The following MCM3AP variants were observed in gnomAD, a reference collection of about 807,000 sequenced individuals.
MCM3AP encodes the protein germinal-center associated nuclear protein.
MCM3AP carries 126 observed loss-of-function variants against 184.1 expected under a neutral mutation model. That is an observed-to-expected ratio of 0.68 (90% CI 0.59 to 0.79). The LOEUF (loss-of-function observed/expected upper bound fraction) is 0.79, where lower values mean the gene tolerates loss of function less well. Among genes scored for constraint, MCM3AP ranks in the 30% least tolerant of loss-of-function variants. The pLI is 0.00. For synonymous variants in MCM3AP, 1,002 were observed against 979.3 expected, an observed-to-expected ratio of 1.02 and a Z score of -0.43; for missense variants, 2,496 against 2,479.2, an observed-to-expected ratio of 1.01 and a Z score of -0.14.
At chr21:46,264,775 G>A (rs1369460733) in intron 12 of MCM3AP, among the ~76,000 whole-genome samples, 3 of 123,406 alleles carry the variant, frequency 2.4e-5, no homozygotes, top group African/African-American at 6.5e-5. Context: ...CCGAGGCCAC[G>A]CCTATCAGGG....
intron 19 of MCM3AP, chr21:46,252,645 C>G (rs571367579): frequency 4.6e-5 from 7 of 151,280 alleles, no homozygotes; most frequent in African/African-American, 1.7e-4. Flanking sequence ...ACAAAGTGTA[C>G]CACACGCCAG....
At chr21:46,264,798 C>CT (rs1298132087) in intron 12 of MCM3AP, among the ~76,000 whole-genome samples, 1 of 658 alleles carries the variant, frequency 1.5e-3, no homozygotes, top group African/African-American at 5.3e-3. Context: ...CACAGCCACC[C>CT]CAGCCATGCC....
chr21:46,237,460 A>G (rs1383967727), intron 26 of MCM3AP, among the ~76,000 whole-genome samples: 4 of 51,664 alleles, frequency 7.7e-5, no homozygotes, highest in Non-Finnish European at 1.6e-4. Flanking sequence ...GCCGGAGTGC[A>G]GTGTTACAAT....
rs187668629 is a variant in MCM3AP, at chr21:46,246,417, C to G, written c.4550-13G>C. ...TGTAGCATCAGACCTTTAAGACAGA[C>G]ATAGATGAAGGTCACTTGCATTCTG... On this transcript the variant is annotated splice_polypyrimidine_tract_variant and intron_variant, in intron 21 of 27. Coordinates refer to ENST00000291688, the MANE Select transcript of MCM3AP (RefSeq NM_003906.5). 94 of 1,553,290 alleles carry G rather than the reference C, an allele frequency of 6.1e-5. No individual in the cohort carries two copies. In the African/African-American group the frequency reaches 1.2e-3, roughly 20 times the overall value.
chr21:46,276,545 C>T (rs1395259248), intron 5 of MCM3AP, among the ~76,000 whole-genome samples: 1 of 151,706 alleles, frequency 6.6e-6, no homozygotes, highest in African/African-American at 2.4e-5. Context: ...GGGTTCAAGC[C>T]ATTCTCCTGC....
intron 17 of MCM3AP, 143 bp from the exon 18 acceptor site, chr21:46,254,987 T>C (rs1414531483): frequency 1.0e-5 from 7 of 689,702 alleles, no homozygotes; most frequent in Non-Finnish European, 1.8e-5. Context: ...ATTCCACAAA[T>C]ATCATGTTAA....
rs1284726949 is a variant in MCM3AP, at chr21:46,264,114, C to T, written c.3335+3G>A. 1 of 1,609,976 alleles carries T rather than the reference C, an allele frequency of 6.2e-7. No individual in the cohort carries two copies. The highest frequency in any genetic ancestry group is 8.5e-7 in the Non-Finnish European group (1 of 1,176,608). ...CAGGAGGGGAGCACGAGATGCCACT[C>T]ACCCCAGGGCGGCAGCTGCGTAGGC... On this transcript the variant is annotated splice_donor_region_variant and intron_variant, in intron 13 of 27. Transcript: ENST00000291688.
At chr21:46,236,760 CT>C in intron 27 of MCM3AP, 68 bp downstream of exon 27, 5 of 1,105,402 alleles carry the variant, frequency 4.5e-6, no homozygotes, top group Non-Finnish European at 5.1e-6. Context: ...CGTGATATTA[CT>C]TTTTTCCCCA....
Position 46,266,999 on chromosome 21 carries a change from G to A in MCM3AP, c.2772C>T (p.Gly924=). The A allele has an allele frequency of 1.2e-6, 2 of 1,614,164 alleles. No individual in the cohort carries two copies. The highest frequency in any genetic ancestry group is 1.7e-6 in the Non-Finnish European group (2 of 1,180,042). ...EEATDFLTCH[G]LTVSDGCVEL... ...GCTCTTACCCGTCGGAAACGGTGAGGCCGTGGCAGGTGAGGAAGTCGGTGG... is the reference window on the plus strand; with the variant it reads ...GCTCTTACCCGTCGGAAACGGTGAGACCGTGGCAGGTGAGGAAGTCGGTGG... Residue 924 remains glycine, a synonymous_variant, in exon 10 of 28, where the codon GGC becomes GGT. Coordinates refer to ENST00000291688, the MANE Select transcript of MCM3AP (RefSeq NM_003906.5).
chr21:46,257,115 G>C (rs772895631), intron 16 of MCM3AP, 129 bp from the exon 17 acceptor site: 2 of 1,294,358 alleles, frequency 1.5e-6, no homozygotes, highest in South Asian at 1.5e-5. Flanking sequence ...TGAAACTACC[G>C]AACGTTAACA....
chr21:46,242,017 T>C (rs2080675671), intron 25 of MCM3AP: 1 of 152,220 alleles, frequency 6.6e-6, no homozygotes, highest in African/African-American at 2.4e-5. Flanking sequence ...TGAGAATTTT[T>C]TTTTTTTTAA....
intron 15 of MCM3AP, among the ~76,000 whole-genome samples, chr21:46,260,549 A>G (rs1256685370): frequency 1.3e-5 from 2 of 152,260 alleles, no homozygotes; most frequent in African/African-American, 2.4e-5. Flanking sequence ...CCAGTGGCTA[A>G]TAAGGATGGC....
intron 16 of MCM3AP, 31 bp downstream of exon 16, chr21:46,258,908 T>G (rs1569065410): frequency 5.0e-6 from 8 of 1,613,098 alleles, no homozygotes; most frequent in African/African-American, 4.0e-5. Context: ...CCCGTGTGTG[T>G]GGATTTTGCC....
At chr21:46,259,123 T>A in intron 15 of MCM3AP, 32 bp from the exon 16 acceptor site, 1 of 1,584,416 alleles carries the variant, frequency 6.3e-7, no homozygotes, top group Non-Finnish European at 8.6e-7. Context: ...TGGAAGACAC[T>A]GCACTTGGGG....
At position 46,260,719 on chromosome 21, in the gene MCM3AP, T is replaced by C. The variant is rs1053187438; in HGVS notation, c.3581+74A>G. 9 of 1,030,854 alleles carry C rather than the reference T, an allele frequency of 8.7e-6. No homozygotes were observed. In the East Asian group the frequency reaches 2.1e-4, roughly 24 times the overall value. The allele number at this position is 1,030,854 out of a possible 1,614,324, so 63.9% of individuals were successfully genotyped here. A position where few individuals can be genotyped will look rare whatever the true frequency, so the allele number is the denominator to read the frequency against. ...TCCATTTCCAATAGCCCATCCTCAG[T>C]GGTGCAAGACACAGCCTAGGGCAGA... On this transcript the variant is annotated intron_variant, in intron 15 of 27. Coordinates refer to ENST00000291688, the MANE Select transcript of MCM3AP (RefSeq NM_003906.5).
intron 9 of MCM3AP, among the ~76,000 whole-genome samples, chr21:46,268,468 A>G (rs1029724108): frequency 1.3e-5 from 2 of 152,224 alleles, no homozygotes; most frequent in East Asian, 3.9e-4. Flanking sequence ...AAACAAACAC[A>G]TCAAACACAC....
intron 25 of MCM3AP, 32 bp from the exon 26 acceptor site, chr21:46,241,049 CAA>C (rs2080654733): frequency 1.4e-5 from 21 of 1,488,558 alleles, no homozygotes; most frequent in Non-Finnish European, 1.9e-5. Context: ...TGTTTATGGT[CAA>C]GAGAAAATAT....
rs1330478769 is a variant in MCM3AP, at chr21:46,236,927, C to G, written c.5686G>C (p.Asp1896His). ...AGATAGAGGGGAAGGGAAGTTAAAT[C>G]CGTAAATGCTCCTGAGTCTTCAGAC... is the stretch of plus-strand genomic sequence containing the variant. ...WLSEDSGAFT[D>H]LTSLPLYLPQ... is the part of the protein sequence containing the mutation. The change falls in exon 27 of 28, where the codon GAT becomes CAT. Residue 1896 changes from aspartate (D) to histidine (H), a missense_variant. By Grantham distance (81) the Asp-to-His change is moderately conservative. This residue lies in a region of MCM3AP where 1,323 missense variants were observed against 1,273.4 expected (regional missense o/e 1.04). Coordinates refer to ENST00000291688, the MANE Select transcript of MCM3AP (RefSeq NM_003906.5). 1.3e-6 allele frequency: 2 copies of G among 1,578,304 alleles called. No homozygotes were observed. The highest frequency in any genetic ancestry group is 2.7e-5 in the African/African-American group (2 of 73,116).
Position 46,284,840 on chromosome 21 carries a change from C to T in MCM3AP, c.447G>A (p.Leu149=). The change falls in exon 1 of 28, where the codon CTG becomes CTA. Residue 149 remains leucine, a synonymous_variant. Coordinates refer to ENST00000291688, the MANE Select transcript of MCM3AP (RefSeq NM_003906.5). The part of the protein sequence containing the change: ...FGKTEFSFKP[L]ENAVFKPILG... ...GTATTGGTTTGAACACTGCATTTTC[C>T]AGAGGTTTAAAGCTGAATTCTGTTT... 6.2e-7 allele frequency: 1 copy of T among 1,614,066 alleles called. No homozygotes were observed. Among genetic ancestry groups the T allele is most frequent in the Non-Finnish European group, 8.5e-7 (1 of 1,180,030 alleles).
Sources: gnomAD v4.1 joint callset for allele counts (sites outside exome capture counted in the v4.1 genomes callset) on GRCh38, gnomAD v4.1.1 for gene constraint, gnomAD v4.1.1 regional missense constraint, MANE v1.5 for transcripts, NCBI Gene and HGNC (gene_info 2026-07-23, HGNC 2026-07-21) for gene names.